KSR2: variants seen among roughly 807,000 people sequenced by gnomAD.
The protein encoded by KSR2 is kinase suppressor of ras 2.
KSR2 carries 25 observed loss-of-function variants against 107.8 expected under a neutral mutation model. The ratio of observed to expected loss-of-function variants is 0.23; its 90% CI spans 0.17 to 0.32. The LOEUF (loss-of-function observed/expected upper bound fraction) is 0.32, where lower values mean the gene tolerates loss of function less well. KSR2 is among the 10% of genes least tolerant of loss of function. The pLI is 1.00. For synonymous variants in KSR2, 480 were observed against 507.0 expected (o/e 0.95, Z 0.71); for missense variants, 887 against 1,268.9 (o/e 0.70, Z 4.57).
chr12:117,751,825 T>G (rs1206978514), intron 4 of KSR2, among the ~76,000 whole-genome samples: 1 of 152,128 alleles, frequency 6.6e-6, no homozygotes, highest in African/African-American at 2.4e-5. Context: ...CTTAAGTCAG[T>G]ATGGTGCTGA....
At chr12:117,731,530 G>A (rs1887707286) in intron 4 of KSR2, among the ~76,000 whole-genome samples, 1 of 152,228 alleles carries the variant, frequency 6.6e-6, no homozygotes, top group South Asian at 2.1e-4. Context: ...CCCCGTCTGG[G>A]AGGGGTACCC....
chr12:117,712,632 T>G (rs1314991144), intron 4 of KSR2, among the ~76,000 whole-genome samples: 1 of 152,234 alleles, frequency 6.6e-6, no homozygotes, highest in Non-Finnish European at 1.5e-5. Flanking sequence ...CTTAACACAG[T>G]GTCTGGCACA....
intron 4 of KSR2, among the ~76,000 whole-genome samples, chr12:117,737,079 C>G (rs1380905913): frequency 6.6e-6 from 1 of 152,180 alleles, no homozygotes; most frequent in African/African-American, 2.4e-5. Flanking sequence ...ACCTGTGTGG[C>G]CTCATGAGTG....
chr12:117,517,804 C>T (rs1874473470), intron 14 of KSR2: 2 of 455,348 alleles, frequency 4.4e-6, no homozygotes, highest in Non-Finnish European at 8.8e-6. Context: ...TCTTCATGTG[C>T]TCAGGCCCCC....
chr12:117,673,451 A>G (rs1593116684), intron 4 of KSR2, among the ~76,000 whole-genome samples: 1 of 152,264 alleles, frequency 6.6e-6, no homozygotes, highest in East Asian at 1.9e-4. Context: ...AAGGATGGAC[A>G]GATGGAAAGA....
At chr12:117,659,503 G>C (rs1037092165) in intron 5 of KSR2, among the ~76,000 whole-genome samples, 1 of 152,108 alleles carries the variant, frequency 6.6e-6, no homozygotes, top group Non-Finnish European at 1.5e-5. Context: ...ACAAAGACAC[G>C]CTAACTTCCT....
At chr12:117,832,974 C>T (rs1423622168) in intron 3 of KSR2, among the ~76,000 whole-genome samples, 1 of 152,078 alleles carries the variant, frequency 6.6e-6, no homozygotes, top group African/African-American at 2.4e-5. Context: ...CTGCACAGCA[C>T]GTGGGCTCCC....
intron 3 of KSR2, among the ~76,000 whole-genome samples, chr12:117,793,023 C>T (rs897252659): frequency 7.6e-5 from 11 of 145,392 alleles, no homozygotes; most frequent in Admixed American, 5.5e-4. Context: ...TACGCACTCT[C>T]ACATCAACAT....
At chr12:117,781,125 T>C (rs1293797527) in intron 3 of KSR2, among the ~76,000 whole-genome samples, 1 of 152,206 alleles carries the variant, frequency 6.6e-6, no homozygotes, top group Non-Finnish European at 1.5e-5. Context: ...GATGGTTTTA[T>C]AAATGGGAGT....
chr12:117,490,097 A>G (rs1342456674), intron 14 of KSR2, among the ~76,000 whole-genome samples: 1 of 152,210 alleles, frequency 6.6e-6, no homozygotes, highest in Admixed American at 6.5e-5. Flanking sequence ...GGGTGAGGAT[A>G]TGGACACCTA....
chr12:117,561,929 C>T (rs1878149879), intron 7 of KSR2, among the ~76,000 whole-genome samples: 1 of 152,152 alleles, frequency 6.6e-6, no homozygotes, highest in African/African-American at 2.4e-5. Flanking sequence ...CTGGAGTGCC[C>T]CAGATACTGG....
In KSR2 at chr12:117,855,416, G is replaced by C. The variant is rs199875252; in HGVS notation, c.472+12C>G. 755 of 1,614,014 alleles carry C rather than the reference G, an allele frequency of 4.7e-4. 2 individuals carry two copies. The Middle Eastern group carries it at 0.01, about 22-fold the overall frequency. On this transcript the variant is annotated intron_variant, in intron 3 of 19. Transcript: ENST00000339824. ...ACAAGTCTCCACATCCCCGACCCCG[G>C]GGCCTGCTCACCTGACATGTGGACA... is the stretch of plus-strand genomic sequence containing the variant.
intron 5 of KSR2, among the ~76,000 whole-genome samples, chr12:117,627,525 G>A (rs1038972279): frequency 5.3e-5 from 8 of 152,264 alleles, no homozygotes; most frequent in African/African-American, 1.9e-4. Context: ...GTTGAACATT[G>A]GCCCCCACTC....
intron 1 of KSR2, among the ~76,000 whole-genome samples, chr12:117,861,013 C>T (rs901291518): frequency 2.0e-5 from 3 of 152,192 alleles, no homozygotes; most frequent in Non-Finnish European, 4.4e-5. Flanking sequence ...GCCACTGCGC[C>T]CGGCCTGCAC....
At chr12:117,478,409 C>T (rs1301889912) in intron 16 of KSR2, among the ~76,000 whole-genome samples, 1 of 151,860 alleles carries the variant, frequency 6.6e-6, no homozygotes, top group Non-Finnish European at 1.5e-5. Flanking sequence ...AACTGAAGAA[C>T]TAAACTTTTC....
Position 117,774,144 on chromosome 12 carries a change from C to T in KSR2, c.473-12620G>A, listed in dbSNP as rs888731471. The stretch of plus-strand genomic sequence containing the variant: ...TCCAGAAAGCCCTTGGAAAGCTGAG[C>T]CATTATACACAGGCTTGTGGGTCAG... On this transcript the variant is annotated intron_variant, in intron 3 of 19. Transcript: ENST00000339824. Among the ~76,000 whole-genome samples, 5 of 152,222 alleles carry T rather than the reference C, an allele frequency of 3.3e-5. No individual in the cohort carries two copies. In the South Asian group the frequency reaches 1.0e-3, roughly 32 times the overall value.
intron 4 of KSR2, among the ~76,000 whole-genome samples, chr12:117,703,990 T>A (rs1207263084): frequency 3.9e-5 from 6 of 152,172 alleles, no homozygotes; most frequent in Non-Finnish European, 7.3e-5. Flanking sequence ...ATTTGGGCAA[T>A]TTCTGGGTAA....
chr12:117,796,853 T>A (rs1890649136), intron 3 of KSR2, among the ~76,000 whole-genome samples: 1 of 152,186 alleles, frequency 6.6e-6, no homozygotes, highest in South Asian at 2.1e-4. Context: ...CCAGACCTGC[T>A]GCCCAGCCTC....
intron 5 of KSR2, among the ~76,000 whole-genome samples, chr12:117,596,642 ACAT>A (rs1265777549): frequency 1.3e-5 from 2 of 152,334 alleles, no homozygotes; most frequent in African/African-American, 2.4e-5. Flanking sequence ...TAATTAATTA[ACAT>A]CAGCGCAACA....
Sources: allele counts gnomAD v4.1 joint callset (sites outside exome capture counted in the v4.1 genomes callset), GRCh38; gene constraint gnomAD v4.1.1; transcripts MANE v1.5; gene names NCBI Gene and HGNC (gene_info 2026-07-23, HGNC 2026-07-21).